STAM: variants seen among roughly 807,000 people sequenced by gnomAD.
STAM encodes the protein signal transducing adaptor molecule, also known as signal transducing adapter molecule 1.
Under a neutral mutation model 63.4 loss-of-function variants are expected in STAM, and 16 were observed. That is an observed-to-expected ratio of 0.25 (90% CI 0.17 to 0.38). STAM has a LOEUF of 0.38. Among genes scored for constraint, STAM ranks in the 10% least tolerant of loss-of-function variants. STAM has a pLI of 1.00. For missense variants in STAM, 636 were observed against 657.1 expected (o/e 0.97, Z 0.35); for synonymous variants, 238 against 223.9 (o/e 1.06, Z -0.56).
At chr10:17,686,901 A>G (rs1418883909) in intron 4 of STAM, among the ~76,000 whole-genome samples, 2 of 152,206 alleles carry the variant, frequency 1.3e-5, no homozygotes, top group African/African-American at 2.4e-5. Flanking sequence ...TTTGAAATAC[A>G]TTCATGACAT....
intron 13 of STAM, among the ~76,000 whole-genome samples, chr10:17,713,352 C>T (rs1319259510): frequency 3.9e-5 from 6 of 152,190 alleles, no homozygotes; most frequent in African/African-American, 1.2e-4. Flanking sequence ...ATTTCTCCTC[C>T]GTACTTCCCC....
chr10:17,647,903 G>A (rs1833579998), intron 1 of STAM, among the ~76,000 whole-genome samples: 1 of 152,072 alleles, frequency 6.6e-6, no homozygotes, highest in Non-Finnish European at 1.5e-5. Flanking sequence ...TCTCCTTACT[G>A]AGCATCTCCA....
chr10:17,676,718 G>T (rs1834871482), intron 2 of STAM, among the ~76,000 whole-genome samples: 1 of 152,112 alleles, frequency 6.6e-6, no homozygotes. Flanking sequence ...TCGCGAAAGG[G>T]TACTGCCATA....
At chr10:17,665,100 C>G (rs11254715) in intron 2 of STAM, among the ~76,000 whole-genome samples, 21,084 of 151,564 alleles carry the variant, frequency 0.14, 1,733 homozygotes, top group East Asian at 0.26. Flanking sequence ...GAGAAAAGAG[C>G]TATTATTGTG....
At chr10:17,713,964 C>CCTGCGGCCCCCT (rs1158544760) in intron 13 of STAM, among the ~76,000 whole-genome samples, 8 of 152,134 alleles carry the variant, frequency 5.3e-5, no homozygotes, top group Non-Finnish European at 1.2e-4. Flanking sequence ...CTCGGCACCC[C>CCTGCGGCCCCCT]CTGCGGCCCC....
chr10:17,668,552 C>G (rs1834494542), intron 2 of STAM, among the ~76,000 whole-genome samples: 1 of 152,184 alleles, frequency 6.6e-6, no homozygotes, highest in Non-Finnish European at 1.5e-5. Flanking sequence ...TGCCACGTAT[C>G]TGTCATTACA....
At chr10:17,667,355 C>T (rs1422134615) in intron 2 of STAM, among the ~76,000 whole-genome samples, 2 of 152,284 alleles carry the variant, frequency 1.3e-5, no homozygotes, top group South Asian at 4.1e-4. Flanking sequence ...AACCCCTCAC[C>T]TTGTGATCTG....
intron 13 of STAM, among the ~76,000 whole-genome samples, chr10:17,711,105 ATTG>A (rs1458991949): frequency 2.0e-5 from 3 of 152,146 alleles, no homozygotes; most frequent in East Asian, 3.9e-4. Flanking sequence ...GTCAGTGAGG[ATTG>A]TTGTTGTTTT....
chr10:17,666,387 ATT>A (rs10673746), intron 2 of STAM, among the ~76,000 whole-genome samples: 1,919 of 85,710 alleles, frequency 0.022, 5 homozygotes, highest in Middle Eastern at 0.033. Context: ...TTGGCTTTGT[ATT>A]TTTTTTTTTT....
At chr10:17,659,374 C>T (rs1291704028) in intron 1 of STAM, among the ~76,000 whole-genome samples, 1 of 148,882 alleles carries the variant, frequency 6.7e-6, no homozygotes, top group African/African-American at 2.5e-5. Context: ...TTAGAATAAA[C>T]TATTTTTTGT....
At chr10:17,698,558 G>A (rs955556435) in intron 8 of STAM, among the ~76,000 whole-genome samples, 6 of 151,940 alleles carry the variant, frequency 3.9e-5, no homozygotes, top group East Asian at 3.9e-4. Flanking sequence ...GTTCTCAAGC[G>A]TGGAGAACAG....
chr10:17,669,884 CTTTT>C (rs76381388), intron 2 of STAM, among the ~76,000 whole-genome samples: 22 of 120,756 alleles, frequency 1.8e-4, no homozygotes, highest in African/African-American at 6.0e-4. Context: ...CTTTTCTTTT[CTTTT>C]TTTTTTTTTT....
intron 1 of STAM, among the ~76,000 whole-genome samples, chr10:17,647,380 C>T (rs1833558925): frequency 6.6e-6 from 1 of 152,172 alleles, no homozygotes; most frequent in African/African-American, 2.4e-5. Flanking sequence ...CATGGGATTT[C>T]AGGACACCAA....
At chr10:17,714,409 T>G in intron 13 of STAM, 134 bp from the exon 14 acceptor site, 2 of 828,504 alleles carry the variant, frequency 2.4e-6, no homozygotes, top group Non-Finnish European at 4.0e-6. Context: ...GTTTGGCACA[T>G]TATAGCTGTT....
At chr10:17,655,300 T>C (rs1833894234) in intron 1 of STAM, among the ~76,000 whole-genome samples, 2 of 152,340 alleles carry the variant, frequency 1.3e-5, no homozygotes, top group South Asian at 4.1e-4. Flanking sequence ...TAAATCGCTT[T>C]ATTGAGATCA....
Position 17,716,696 on chromosome 10 carries a change from T to C in STAM, c.*1916T>C, listed in dbSNP as rs1483051875. Among the ~76,000 whole-genome samples the C allele has an allele frequency of 1.3e-5, 2 of 152,220 alleles. No individual in the cohort carries two copies. Among genetic ancestry groups the C allele is most frequent in the African/African-American group, 4.8e-5 (2 of 41,464 alleles). On this transcript the variant is annotated 3_prime_UTR_variant, in exon 14 of 14. Coordinates refer to ENST00000377524, the MANE Select transcript of STAM (RefSeq NM_003473.4). ...AAAATCAATGACATAGTCTCTACTATGATTTTTGCCCTATAAAAGTCAAGT... is the reference window on the plus strand; with the variant it reads ...AAAATCAATGACATAGTCTCTACTACGATTTTTGCCCTATAAAAGTCAAGT...
At chr10:17,669,525 C>G (rs1443401308) in intron 2 of STAM, among the ~76,000 whole-genome samples, 1 of 151,828 alleles carries the variant, frequency 6.6e-6, no homozygotes. Flanking sequence ...TCTTCCTATC[C>G]GAGAACATAG....
In STAM at chr10:17,674,735, A is replaced by G. The variant is rs140770039; in HGVS notation, c.126-9940A>G. On this transcript the variant is annotated intron_variant, in intron 2 of 13. Transcript: ENST00000377524. ...AGGGTTGTTAGATGTCACCTCTTGA[A>G]GGGAAATGGTAAGTTCATGTCAAAG... Among the ~76,000 whole-genome samples the G allele has an allele frequency of 6.0e-3, 913 of 152,310 alleles. 5 individuals are homozygous for G. Among genetic ancestry groups the G allele is most frequent in the Non-Finnish European group, 9.5e-3 (644 of 68,010 alleles).
intron 2 of STAM, among the ~76,000 whole-genome samples, chr10:17,667,207 A>T (rs1043743952): frequency 4.0e-5 from 6 of 151,812 alleles, no homozygotes; most frequent in African/African-American, 1.5e-4. Flanking sequence ...GCTCACTGCA[A>T]CTTCTGCCTC....
Sources: allele counts gnomAD v4.1 joint callset (sites outside exome capture counted in the v4.1 genomes callset), GRCh38; gene constraint gnomAD v4.1.1; transcripts MANE v1.5; gene names NCBI Gene and HGNC (gene_info 2026-07-23, HGNC 2026-07-21).